CNTNAP3B: variants seen among roughly 807,000 people sequenced by gnomAD.
CNTNAP3B encodes contactin associated protein family member 3B.
Under a neutral mutation model 108.9 loss-of-function variants are expected in CNTNAP3B, and 25 were observed. The ratio of observed to expected loss-of-function variants is 0.23; its 90% CI spans 0.17 to 0.32. The LOEUF is 0.32. Ranked by LOEUF, CNTNAP3B falls within the 10% of genes least tolerant of loss-of-function variation. CNTNAP3B has a pLI of 1.00. For missense variants in CNTNAP3B, 252 were observed against 1,210.4 expected, an observed-to-expected ratio of 0.21 and a Z score of 11.75; for synonymous variants, 103 against 473.4, an observed-to-expected ratio of 0.22 and a Z score of 10.16.
chr9:41,944,274 A>G (rs1332210585), intron 13 of CNTNAP3B, among the ~76,000 whole-genome samples: 1 of 148,836 alleles, frequency 6.7e-6, no homozygotes. Context: ...GAAGAAAAAA[A>G]TTAAAATAAA....
chr9:41,933,337 G>C (rs879771985), intron 14 of CNTNAP3B, among the ~76,000 whole-genome samples: 1,273 of 151,672 alleles, frequency 8.4e-3, no homozygotes, highest in Non-Finnish European at 0.012. Flanking sequence ...AATGTCTTCA[G>C]ACAATGCCAA....
chr9:41,954,750 C>G (rs1219410974), intron 12 of CNTNAP3B, among the ~76,000 whole-genome samples: 1 of 152,268 alleles, frequency 6.6e-6, no homozygotes, highest in South Asian at 2.1e-4. Context: ...GTGGCGCTAT[C>G]TCAGCTCACT....
At chr9:41,921,000 C>A (rs1478196110) in intron 17 of CNTNAP3B, among the ~76,000 whole-genome samples, 6 of 152,296 alleles carry the variant, frequency 3.9e-5, no homozygotes, top group African/African-American at 1.4e-4. Flanking sequence ...TGACAAACAC[C>A]ATTATGAAGG....
At chr9:41,982,016 T>C (rs1413718517) in intron 9 of CNTNAP3B, among the ~76,000 whole-genome samples, 14 of 80,716 alleles carry the variant, frequency 1.7e-4, no homozygotes, top group Non-Finnish European at 2.7e-4. Flanking sequence ...CTGTATCGTG[T>C]CATTGCACTC....
In CNTNAP3B at chr9:42,122,220, T is replaced by G. The variant is rs1422929322; in HGVS notation, c.85+6790A>C. Among the ~76,000 whole-genome samples, 2 of 140,186 alleles carry G rather than the reference T, an allele frequency of 1.4e-5. 1 individual carries two copies. Among genetic ancestry groups the G allele is most frequent in the Non-Finnish European group, 3.1e-5 (2 of 65,120 alleles). The allele number at this position is 140,186 out of a possible 152,430, so 92.0% of individuals were successfully genotyped here. The stretch of plus-strand genomic sequence containing the variant: ...AATAACAAATTGTTATTTTCTATGG[T>G]TATTCACAGTATCTCAAAATCTATG... On this transcript the variant is annotated intron_variant, in intron 1 of 23. Coordinates refer to ENST00000377561, the MANE Select transcript of CNTNAP3B (RefSeq NM_001201380.3).
In CNTNAP3B at chr9:42,111,714, C is replaced by A. The variant is rs1265255215; in HGVS notation, c.86-6975G>T. Among the ~76,000 whole-genome samples, 18 of 138,674 alleles carry A rather than the reference C, an allele frequency of 1.3e-4. 3 individuals carry two copies. Among genetic ancestry groups the A allele is most frequent in the Admixed American group, 1.2e-3 (17 of 13,946 alleles). 91.0% of individuals were successfully genotyped at this position (138,674 alleles called of 152,430 possible). A position where few individuals can be genotyped will look rare whatever the true frequency, so the allele number is the denominator to read the frequency against. On this transcript the variant is annotated intron_variant, in intron 1 of 23. Coordinates refer to ENST00000377561, the MANE Select transcript of CNTNAP3B (RefSeq NM_001201380.3). ...TCAATAAGTACACTGTCCTGAGCCC[C>A]CACCCTTATCTTCCCTCTACAGCCA...
At chr9:41,952,657 A>C (rs1587138200) in intron 13 of CNTNAP3B, among the ~76,000 whole-genome samples, 1 of 150,908 alleles carries the variant, frequency 6.6e-6, no homozygotes, top group African/African-American at 2.4e-5. Flanking sequence ...AATTTCAAAA[A>C]AATGAGACAC....
rs373098098 is a variant in CNTNAP3B at position 42,026,553 on chromosome 9, C to G, written c.391-13028G>C. Among the ~76,000 whole-genome samples, 23 of 92,254 alleles carry G rather than the reference C, an allele frequency of 2.5e-4. 6 individuals carry two copies. In the South Asian group the frequency reaches 3.7e-3, roughly 15 times the overall value. 60.5% of individuals were successfully genotyped at this position (92,254 alleles called of 152,430 possible). A position where few individuals can be genotyped will look rare whatever the true frequency, so the allele number is the denominator to read the frequency against. On this transcript the variant is annotated intron_variant, in intron 3 of 23. Coordinates refer to ENST00000377561, the MANE Select transcript of CNTNAP3B (RefSeq NM_001201380.3). Reference sequence around the variant, plus strand: ...AGCGAGCCCAGATGGCTCCACGGCACGGCACTCCAGCCCGGGCGACAGAGT... The same window carrying G: ...AGCGAGCCCAGATGGCTCCACGGCAGGGCACTCCAGCCCGGGCGACAGAGT...
chr9:41,962,751 C>T (rs1474488041), intron 11 of CNTNAP3B, among the ~76,000 whole-genome samples: 9 of 151,710 alleles, frequency 5.9e-5, no homozygotes, highest in South Asian at 2.1e-4. Flanking sequence ...GTCAGGAGAT[C>T]GAGACCATCC....
chr9:41,958,517 CAT>C (rs1349780425), intron 12 of CNTNAP3B, among the ~76,000 whole-genome samples: 5 of 151,916 alleles, frequency 3.3e-5, no homozygotes, highest in Admixed American at 6.6e-5. Context: ...CTATAAGTAA[CAT>C]GTGTGGGAAG....
Position 41,944,630 on chromosome 9 carries a change from A to G in CNTNAP3B, c.2081-6230T>C, listed in dbSNP as rs1421578974. ...TGTGAGAGGGGAATTCAGGAAAAAA[A>G]GAAGAAACAAGGGCAACAAATAAAA... On this transcript the variant is annotated intron_variant, in intron 13 of 23. Transcript: ENST00000377561. 1.4e-4 allele frequency among the ~76,000 whole-genome samples: 22 copies of G among 152,000 alleles called. No individual in the cohort carries two copies. The South Asian group carries it at 2.1e-3, about 14-fold the overall frequency.
intron 14 of CNTNAP3B, 94 bp from the exon 15 acceptor site, chr9:41,929,538 A>C (rs1197528532): frequency 1.4e-6 from 2 of 1,457,978 alleles, no homozygotes; most frequent in African/African-American, 3.3e-5. Context: ...AACTAACATC[A>C]TAGAGCTTAA....
intron 15 of CNTNAP3B, among the ~76,000 whole-genome samples, chr9:41,928,017 G>T (rs867335854): frequency 6.6e-6 from 1 of 151,084 alleles, no homozygotes; most frequent in African/African-American, 2.5e-5. Flanking sequence ...AGAATATTTC[G>T]GTCAAAATAA....
rs1328111402 is a variant in CNTNAP3B at position 42,117,743 on chromosome 9, T to G, written c.85+11267A>C. 2.2e-5 allele frequency among the ~76,000 whole-genome samples: 3 copies of G among 135,674 alleles called. 1 individual carries two copies. The highest frequency in any genetic ancestry group is 4.7e-5 in the Non-Finnish European group (3 of 64,016). The allele number at this position is 135,674 out of a possible 152,430, so 89.0% of individuals were successfully genotyped here. On this transcript the variant is annotated intron_variant, in intron 1 of 23. Coordinates refer to ENST00000377561, the MANE Select transcript of CNTNAP3B (RefSeq NM_001201380.3). ...AAAAATCAATGAATCCAAGAGCTGG[T>G]TTTTTGGAAAGATCAACAAAATTGA...
chr9:41,941,904 T>C (rs1182860065), intron 13 of CNTNAP3B, among the ~76,000 whole-genome samples: 5 of 151,986 alleles, frequency 3.3e-5, no homozygotes, highest in African/African-American at 4.8e-5. Flanking sequence ...AGAATAAAGA[T>C]AGGAAAAAAA....
intron 13 of CNTNAP3B, among the ~76,000 whole-genome samples, chr9:41,947,621 C>T (rs1262413409): frequency 6.6e-6 from 1 of 151,958 alleles, no homozygotes; most frequent in Non-Finnish European, 1.5e-5. Context: ...TAAGTTCTTA[C>T]CTCTAGAAAC....
At chr9:41,937,029 T>A (rs1317634319) in intron 14 of CNTNAP3B, among the ~76,000 whole-genome samples, 1 of 151,808 alleles carries the variant, frequency 6.6e-6, no homozygotes, top group African/African-American at 2.4e-5. Context: ...TTTTTAGGAA[T>A]CAAATTACTG....
In CNTNAP3B at chr9:42,055,291, GTA is replaced by G. The variant is rs200799498; in HGVS notation, c.390+21576_390+21577del. Reference sequence around the variant, plus strand: ...CTAGAAATATTTCATATTTACATGAGTATATATATATATATACATATATTCAT... The same window carrying G: ...CTAGAAATATTTCATATTTACATGAGTATATATATATATACATATATTCAT... On this transcript the variant is annotated intron_variant, in intron 3 of 23. Transcript: ENST00000377561. Among the ~76,000 whole-genome samples, 426 of 121,392 alleles carry G rather than the reference GTA, an allele frequency of 3.5e-3. 10 individuals carry two copies. Among genetic ancestry groups the G allele is most frequent in the African/African-American group, 0.013 (389 of 30,070 alleles). The allele number at this position is 121,392 out of a possible 152,430, so 79.6% of individuals were successfully genotyped here.
chr9:42,118,135 C>T lies in CNTNAP3B; in HGVS notation c.85+10875G>A, dbSNP rs537906875. 1.3e-3 allele frequency among the ~76,000 whole-genome samples: 181 copies of T among 138,858 alleles called. 15 individuals are homozygous for T. The highest frequency in any genetic ancestry group is 4.6e-4 in the Non-Finnish European group (30 of 64,778). 91.1% of individuals were successfully genotyped at this position (138,858 alleles called of 152,430 possible). A position where few individuals can be genotyped will look rare whatever the true frequency, so the allele number is the denominator to read the frequency against. ...GGTACCATTCCTTCTGAAACTATTC[C>T]AATCAACAGAAAAAGAGGGAATCCT... On this transcript the variant is annotated intron_variant, in intron 1 of 23. Transcript: ENST00000377561.
Sources: allele counts gnomAD v4.1 joint callset (sites outside exome capture counted in the v4.1 genomes callset), GRCh38; gene constraint gnomAD v4.1.1; transcripts MANE v1.5; gene names NCBI Gene and HGNC (gene_info 2026-07-23, HGNC 2026-07-21).